The following DCC variants were observed in gnomAD, a reference collection of about 807,000 sequenced individuals.
The protein encoded by DCC is netrin receptor DCC.
DCC carries 58 observed loss-of-function variants against 172.5 expected under a neutral mutation model. That is an observed-to-expected ratio of 0.34 (90% CI 0.27 to 0.42). The LOEUF is 0.42. Among genes scored for constraint, DCC ranks in the 10% least tolerant of loss-of-function variants. DCC has a pLI of 1.00. For missense variants in DCC, 1,740 were observed against 1,791.0 expected, an observed-to-expected ratio of 0.97 and a Z score of 0.51; for synonymous variants, 709 against 644.5, an observed-to-expected ratio of 1.10 and a Z score of -1.52.
intron 1 of DCC, among the ~76,000 whole-genome samples, chr18:52,457,850 T>A (rs1282009141): frequency 6.6e-6 from 1 of 152,164 alleles, no homozygotes. Flanking sequence ...GAAATCCAAG[T>A]TATCCTCTCA....
chr18:53,012,204 C>T (rs1045361931), intron 5 of DCC, among the ~76,000 whole-genome samples: 6 of 151,842 alleles, frequency 4.0e-5, no homozygotes, highest in African/African-American at 1.2e-4. Flanking sequence ...CCTAGAGATA[C>T]AAGTGCATCG....
intron 1 of DCC, among the ~76,000 whole-genome samples, chr18:52,492,664 T>C (rs190950656): frequency 6.6e-6 from 1 of 152,122 alleles, no homozygotes; most frequent in Non-Finnish European, 1.5e-5. Flanking sequence ...ACATAATACT[T>C]TGCCATAAGA....
At chr18:52,666,406 A>C (rs2035459936) in intron 1 of DCC, among the ~76,000 whole-genome samples, 1 of 152,232 alleles carries the variant, frequency 6.6e-6, no homozygotes, top group Admixed American at 6.5e-5. Context: ...ACACTAGAAA[A>C]TGTAATGATT....
At chr18:52,471,248 G>T (rs911606421) in intron 1 of DCC, among the ~76,000 whole-genome samples, 2 of 152,148 alleles carry the variant, frequency 1.3e-5, no homozygotes, top group Non-Finnish European at 2.9e-5. Context: ...TGCTCAGGAG[G>T]CTAAGGTGGG....
rs531940843 is a variant in DCC, at chr18:52,471,570, C to A, written c.91+130692C>A. Among the ~76,000 whole-genome samples, 7 of 152,280 alleles carry A rather than the reference C, an allele frequency of 4.6e-5. No homozygotes were observed. In the South Asian group the frequency reaches 1.5e-3, roughly 32 times the overall value. On this transcript the variant is annotated intron_variant, in intron 1 of 28. Coordinates refer to ENST00000442544, the MANE Select transcript of DCC (RefSeq NM_005215.4). ...CTTCTTAAGAAACTTATTTCAGCAG[C>A]ACCTAACTCTGGGTTATGGTGATAA...
At chr18:53,519,453 T>C (rs1314837452) in intron 27 of DCC, among the ~76,000 whole-genome samples, 1 of 151,922 alleles carries the variant, frequency 6.6e-6, no homozygotes, top group Non-Finnish European at 1.5e-5. Flanking sequence ...TTCCAACTTC[T>C]CAGAGCCCCA....
At chr18:52,789,575 G>A (rs1427652952) in intron 2 of DCC, among the ~76,000 whole-genome samples, 2 of 152,142 alleles carry the variant, frequency 1.3e-5, no homozygotes, top group East Asian at 3.9e-4. Flanking sequence ...AAGATTTTCA[G>A]CTTTTGAACT....
chr18:52,416,008 T>G (rs1242558911), intron 1 of DCC, among the ~76,000 whole-genome samples: 1 of 152,080 alleles, frequency 6.6e-6, no homozygotes, highest in African/African-American at 2.4e-5. Flanking sequence ...TTGTGGGCAT[T>G]TAGTGCTATA....
Position 52,902,124 on chromosome 18 carries a change from T to C in DCC, c.413-3920T>C, listed in dbSNP as rs548405617. On this transcript the variant is annotated intron_variant, in intron 2 of 28. Coordinates refer to ENST00000442544, the MANE Select transcript of DCC (RefSeq NM_005215.4). The stretch of plus-strand genomic sequence containing the variant: ...CCAAGAGGAAACCATGTTTAGGACA[T>C]CTACAAGTTCAATAGATCTGAGAAT... 3.3e-5 allele frequency among the ~76,000 whole-genome samples: 5 copies of C among 152,302 alleles called. No homozygotes were observed. In the South Asian group the frequency reaches 1.0e-3, roughly 32 times the overall value.
intron 1 of DCC, among the ~76,000 whole-genome samples, chr18:52,537,428 T>C (rs1205391930): frequency 6.6e-6 from 1 of 152,192 alleles, no homozygotes; most frequent in East Asian, 1.9e-4. Flanking sequence ...AAAATGATGT[T>C]TTCCATTCAA....
intron 23 of DCC, among the ~76,000 whole-genome samples, chr18:53,455,366 A>G (rs1051543230): frequency 2.0e-5 from 3 of 152,206 alleles, no homozygotes; most frequent in African/African-American, 7.2e-5. Context: ...GCTGCATTTT[A>G]GAACTTCAAT....
At chr18:52,926,011 C>G (rs1357956293) in intron 5 of DCC, among the ~76,000 whole-genome samples, 2 of 151,794 alleles carry the variant, frequency 1.3e-5, no homozygotes, top group African/African-American at 4.8e-5. Flanking sequence ...TTATCACTTA[C>G]TCCAGATTTA....
chr18:52,506,036 A>G (rs1028595438), intron 1 of DCC, among the ~76,000 whole-genome samples: 3 of 152,184 alleles, frequency 2.0e-5, no homozygotes, highest in Non-Finnish European at 4.4e-5. Context: ...GAAAAGTGTG[A>G]ATTTATTAAT....
At chr18:52,838,993 G>T (rs1453467562) in intron 2 of DCC, among the ~76,000 whole-genome samples, 1 of 152,126 alleles carries the variant, frequency 6.6e-6, no homozygotes, top group Non-Finnish European at 1.5e-5. Flanking sequence ...TTATTTAGTA[G>T]AAGATAACAA....
At chr18:53,128,862 C>CAT (rs1345790131) in intron 7 of DCC, among the ~76,000 whole-genome samples, 5 of 81,102 alleles carry the variant, frequency 6.2e-5, no homozygotes, top group African/African-American at 2.2e-4. Context: ...CACACACACA[C>CAT]ACACACACAT....
chr18:52,439,723 A>G (rs1243945630), intron 1 of DCC, among the ~76,000 whole-genome samples: 1 of 152,168 alleles, frequency 6.6e-6, no homozygotes, highest in East Asian at 1.9e-4. Context: ...TATCAGCAGA[A>G]TCTAACAGAG....
intron 5 of DCC, among the ~76,000 whole-genome samples, chr18:52,972,517 CTT>C (rs34383367): frequency 0.25 from 35,294 of 138,682 alleles, 4,566 homozygotes; most frequent in South Asian, 0.47. Flanking sequence ...AAATTTCTTG[CTT>C]TTTTTTTTTT....
intron 11 of DCC, among the ~76,000 whole-genome samples, chr18:53,213,039 G>T (rs558067225): frequency 1.3e-5 from 2 of 152,142 alleles, no homozygotes; most frequent in East Asian, 3.9e-4. Context: ...ACAGAAAAAA[G>T]AACACATATA....
intron 5 of DCC, among the ~76,000 whole-genome samples, chr18:53,036,374 G>A (rs1411093250): frequency 2.0e-5 from 3 of 152,088 alleles, no homozygotes; most frequent in African/African-American, 7.2e-5. Flanking sequence ...AACACTAGGT[G>A]AATAGAGAAA....
Sources: allele counts gnomAD v4.1 joint callset (sites outside exome capture counted in the v4.1 genomes callset), GRCh38; gene constraint gnomAD v4.1.1; transcripts MANE v1.5; gene names NCBI Gene and HGNC (gene_info 2026-07-23, HGNC 2026-07-21).